The following MYO9A variants were observed in gnomAD, a reference collection of about 807,000 sequenced individuals.
MYO9A encodes unconventional myosin-IXa.
Under a neutral mutation model 293.3 loss-of-function variants are expected in MYO9A, and 103 were observed. That is an observed-to-expected ratio of 0.35 (90% confidence interval 0.30 to 0.41). The LOEUF (loss-of-function observed/expected upper bound fraction) is 0.41, where lower values mean the gene tolerates loss of function less well. MYO9A is among the 10% of genes least tolerant of loss of function. The pLI is 1.00. For missense variants in MYO9A, 2,685 were observed against 3,033.0 expected, an observed-to-expected ratio of 0.89 and a Z score of 2.69; for synonymous variants, 1,001 against 1,035.7, an observed-to-expected ratio of 0.97 and a Z score of 0.64.
intron 18 of MYO9A, among the ~76,000 whole-genome samples, chr15:71,926,040 T>C (rs1428170447): frequency 6.6e-6 from 1 of 152,190 alleles, no homozygotes; most frequent in Admixed American, 6.5e-5. Flanking sequence ...AGACATTTTC[T>C]GTAGATGGAT....
chr15:72,055,808 A>G (rs75991853), intron 1 of MYO9A, among the ~76,000 whole-genome samples: 1 of 152,258 alleles, frequency 6.6e-6, no homozygotes, highest in Non-Finnish European at 1.5e-5. Flanking sequence ...AATCAAAAAA[A>G]TAATAGATGC....
chr15:71,852,476 G>A lies in MYO9A; in HGVS notation c.6347-216C>T, dbSNP rs1389920587. 4 of 309,084 alleles carry A rather than the reference G, an allele frequency of 1.3e-5. No homozygotes were observed. In the South Asian group the frequency reaches 1.6e-4, roughly 12 times the overall value. The allele number at this position is 309,084 out of a possible 1,614,324, so 19.1% of individuals were successfully genotyped here. Reference sequence around the variant, plus strand: ...CCTCCCGAGTTCAAGTGATTCTCCTGCCTCAGCCTCCGGAGTAGCTGGGAT... The same window carrying A: ...CCTCCCGAGTTCAAGTGATTCTCCTACCTCAGCCTCCGGAGTAGCTGGGAT... On this transcript the variant is annotated intron_variant, in intron 35 of 41. Coordinates refer to ENST00000356056, the MANE Select transcript of MYO9A (RefSeq NM_006901.4).
intron 15 of MYO9A, among the ~76,000 whole-genome samples, chr15:71,940,659 T>C (rs758852800): frequency 5.3e-5 from 8 of 152,198 alleles, no homozygotes; most frequent in Non-Finnish European, 1.0e-4. Context: ...TTGGAAAATA[T>C]AATATTGTTA....
chr15:72,000,771 C>T (rs2076841567), intron 8 of MYO9A, among the ~76,000 whole-genome samples: 1 of 152,190 alleles, frequency 6.6e-6, no homozygotes, highest in Admixed American at 6.5e-5. Context: ...TCCCAAGCAG[C>T]TGGGACTACA....
At chr15:71,976,107 G>A (rs2076140482) in intron 12 of MYO9A, among the ~76,000 whole-genome samples, 1 of 152,190 alleles carries the variant, frequency 6.6e-6, no homozygotes, top group African/African-American at 2.4e-5. Context: ...GTGAGGTGCA[G>A]TTTTGGGGAC....
chr15:72,118,140 G>C lies in MYO9A; in HGVS notation c.-532C>G, dbSNP rs1013828293. The C allele has an allele frequency of 5.3e-6, 2 of 377,682 alleles. No individual in the cohort carries two copies. The highest frequency in any genetic ancestry group is 9.4e-6 in the Non-Finnish European group (2 of 213,100). 23.4% of individuals were successfully genotyped at this position (377,682 alleles called of 1,614,324 possible). On this transcript the variant is annotated 5_prime_UTR_variant, in exon 1 of 42. Coordinates refer to ENST00000356056, the MANE Select transcript of MYO9A (RefSeq NM_006901.4). ...GCGACTCCCCGGCTGCAGGCGAGCA[G>C]GCGCGCGCGCACTTACCTCCCACGC...
At chr15:71,946,973 A>T (rs1325882802) in intron 15 of MYO9A, among the ~76,000 whole-genome samples, 1 of 152,146 alleles carries the variant, frequency 6.6e-6, no homozygotes, top group Non-Finnish European at 1.5e-5. Flanking sequence ...AAAAATTAGC[A>T]GGGCATGGTG....
intron 16 of MYO9A, among the ~76,000 whole-genome samples, chr15:71,938,443 T>C (rs973996935): frequency 6.6e-6 from 1 of 152,190 alleles, no homozygotes; most frequent in Non-Finnish European, 1.5e-5. Flanking sequence ...TAAGCTTTGG[T>C]AATCGCACTC....
chr15:71,944,536 T>A (rs576081155), intron 15 of MYO9A, among the ~76,000 whole-genome samples: 1 of 152,306 alleles, frequency 6.6e-6, no homozygotes, highest in South Asian at 2.1e-4. Context: ...ACATGTATGA[T>A]ATAAGGGTCA....
chr15:71,893,738 G>A lies in MYO9A; in HGVS notation c.5083C>T (p.His1695Tyr), dbSNP rs759999743. 3 of 1,613,926 alleles carry A rather than the reference G, an allele frequency of 1.9e-6. 1 individual carries two copies. In the South Asian group the frequency reaches 3.3e-5, roughly 18 times the overall value. ...EALNSKNPQL[H>Y]KEDEPAWKPV... ...TTCCATGCTGGTTCATCTTCTTTAT[G>A]GAGTTGAGGATTTTTACTGTTTAAG... Residue 1695 changes from histidine (H) to tyrosine (Y), a missense_variant, in exon 26 of 42, where the codon CAT becomes TAT. His to Tyr is a moderately conservative substitution (Grantham distance 83). Around this residue, in one of 10 missense-constraint regions of MYO9A, gnomAD observed 1,434 missense variants for 1,497.7 expected, o/e 0.96. Coordinates refer to ENST00000356056, the MANE Select transcript of MYO9A (RefSeq NM_006901.4).
chr15:72,003,005 C>CA (rs1386346949), intron 8 of MYO9A, among the ~76,000 whole-genome samples: 2 of 152,188 alleles, frequency 1.3e-5, no homozygotes, highest in Non-Finnish European at 2.9e-5. Context: ...CACAGTGGCT[C>CA]ATGCCTGTAA....
At chr15:72,065,629 A>G (rs2078999676) in intron 1 of MYO9A, among the ~76,000 whole-genome samples, 1 of 152,094 alleles carries the variant, frequency 6.6e-6, no homozygotes, top group African/African-American at 2.4e-5. Context: ...ATTTGACTTT[A>G]TTAAAATTAA....
At chr15:72,118,248 A>G (rs975176853), upstream of MYO9A, 4 of 323,412 alleles carry the variant, frequency 1.2e-5, no homozygotes, top group Middle Eastern at 8.0e-4. Context: ...GCGCTTGCGC[A>G]GACACGCCCC....
chr15:72,058,285 T>C (rs993281180), intron 1 of MYO9A, among the ~76,000 whole-genome samples: 2 of 152,196 alleles, frequency 1.3e-5, no homozygotes, highest in African/African-American at 4.8e-5. Context: ...GGTATACATA[T>C]ATTTTAAAAT....
intron 19 of MYO9A, among the ~76,000 whole-genome samples, chr15:71,910,540 C>T (rs8034436): frequency 0.93 from 141,119 of 152,196 alleles, 65,752 homozygotes; most frequent in Non-Finnish European, 0.97. Context: ...CTTATACTTG[C>T]CTCTTTTAAC....
chr15:71,940,552 ATT>A (rs879570279), intron 15 of MYO9A, among the ~76,000 whole-genome samples: 2 of 151,594 alleles, frequency 1.3e-5, no homozygotes, highest in Non-Finnish European at 2.9e-5. Flanking sequence ...CTGAAATGAA[ATT>A]TTTAAAAGTA....
chr15:72,049,295 T>C (rs1419705415), intron 1 of MYO9A, among the ~76,000 whole-genome samples: 1 of 152,242 alleles, frequency 6.6e-6, no homozygotes, highest in Non-Finnish European at 1.5e-5. Flanking sequence ...ATCTCATAAA[T>C]ATTTTTCTTA....
intron 15 of MYO9A, among the ~76,000 whole-genome samples, chr15:71,940,347 T>C (rs946660064): frequency 6.6e-6 from 1 of 151,850 alleles, no homozygotes; most frequent in African/African-American, 2.4e-5. Context: ...ATACAAAAAT[T>C]AGCTGAGTGT....
At chr15:72,058,512 C>A (rs770581878) in intron 1 of MYO9A, among the ~76,000 whole-genome samples, 3 of 152,032 alleles carry the variant, frequency 2.0e-5, no homozygotes, top group South Asian at 2.1e-4. Flanking sequence ...AGAGAAAAAA[C>A]GATTACTAAA....
Sources: gnomAD v4.1 joint callset for allele counts (sites outside exome capture counted in the v4.1 genomes callset) on GRCh38, gnomAD v4.1.1 for gene constraint, gnomAD v4.1.1 regional missense constraint, MANE v1.5 for transcripts, NCBI Gene and HGNC (gene_info 2026-07-23, HGNC 2026-07-21) for gene names.